The following PIK3CB variants were observed in gnomAD, a reference collection of about 807,000 sequenced individuals.
PIK3CB encodes phosphatidylinositol-4,5-bisphosphate 3-kinase catalytic subunit beta.
Under a neutral mutation model 136.8 loss-of-function variants are expected in PIK3CB, and 39 were observed. That is an observed-to-expected ratio of 0.29 (90% CI 0.22 to 0.37). The LOEUF (loss-of-function observed/expected upper bound fraction) is 0.37. Ranked by LOEUF, PIK3CB falls within the 10% of genes least tolerant of loss-of-function variation. The probability of loss-of-function intolerance (pLI) is 1.00; values close to 1 mark genes in which losing one functional copy is unlikely to be tolerated. For missense variants in PIK3CB, 868 were observed against 1,275.4 expected, an observed-to-expected ratio of 0.68 and a Z score of 4.87; for synonymous variants, 428 against 436.6, an observed-to-expected ratio of 0.98 and a Z score of 0.25.
At chr3:138,788,872 G>T (rs559583088) in intron 2 of PIK3CB, among the ~76,000 whole-genome samples, 1 of 148,986 alleles carries the variant, frequency 6.7e-6, no homozygotes, top group African/African-American at 2.5e-5. Context: ...GCTGAGGCAG[G>T]AGAATCGCTT....
intron 1 of PIK3CB, among the ~76,000 whole-genome samples, chr3:138,815,281 C>T (rs1186970070): frequency 7.4e-5 from 10 of 135,346 alleles, no homozygotes; most frequent in Non-Finnish European, 1.4e-4. Flanking sequence ...GCCTTGAGCT[C>T]AGGAGGCAGA....
In PIK3CB at chr3:138,695,673, AT is replaced by A. The variant is rs200599498; in HGVS notation, c.1771-767del. ...TTTTCAGTTGTTTTACATTTGAAAA[AT>A]ATTTTTGCGAAAACAATACTTTTGA... is the stretch of plus-strand genomic sequence containing the variant. On this transcript the variant is annotated intron_variant, in intron 13 of 23. Transcript: ENST00000674063. Among the ~76,000 whole-genome samples the A allele has an allele frequency of 5.0e-3, 756 of 152,200 alleles. 6 individuals carry two copies. The highest frequency in any genetic ancestry group is 0.017 in the African/African-American group (712 of 41,534).
chr3:138,722,259 T>TACACAC (rs1489389610), intron 8 of PIK3CB, among the ~76,000 whole-genome samples: 1 of 145,944 alleles, frequency 6.9e-6, no homozygotes, highest in Non-Finnish European at 1.5e-5. Context: ...CACACACACG[T>TACACAC]GTGTAGGCTC....
chr3:138,684,561 A>G, intron 17 of PIK3CB, 64 bp downstream of exon 17: 1 of 1,241,198 alleles, frequency 8.1e-7, no homozygotes, highest in Non-Finnish European at 1.1e-6. Flanking sequence ...TACTACTCCC[A>G]TAAGGCAGTG....
intron 19 of PIK3CB, among the ~76,000 whole-genome samples, chr3:138,668,695 A>G (rs2043464678): frequency 6.6e-6 from 1 of 152,152 alleles, no homozygotes; most frequent in Admixed American, 6.5e-5. Context: ...TTGTTTTACA[A>G]CTTGTATATA....
intron 2 of PIK3CB, among the ~76,000 whole-genome samples, chr3:138,788,997 A>AAAAAAAAAAAC (rs1559879235): frequency 2.0e-5 from 3 of 150,190 alleles, no homozygotes; most frequent in African/African-American, 7.4e-5. Context: ...AAAAAACAAA[A>AAAAAAAAAAAC]AACAACACCA....
In PIK3CB at chr3:138,704,499, T is replaced by TA. The variant is rs755185561; in HGVS notation, c.1531-7dup. On this transcript the variant is annotated splice_region_variant and splice_polypyrimidine_tract_variant and intron_variant, in intron 11 of 23. Transcript: ENST00000674063. ...TCAGCTGCCTTTTCAATAATCTGTT[T>TA]AAAAAAATTAAAGAAAATGAATTTT... is the stretch of plus-strand genomic sequence containing the variant. 3.8e-6 allele frequency: 6 copies of TA among 1,588,508 alleles called. No homozygotes were observed. Among genetic ancestry groups the TA allele is most frequent in the Non-Finnish European group, 5.2e-6 (6 of 1,157,200 alleles).
intron 23 of PIK3CB, 25 bp from the exon 24 acceptor site, chr3:138,655,551 A>AT: frequency 6.3e-7 from 1 of 1,583,898 alleles, no homozygotes; most frequent in Non-Finnish European, 8.7e-7. Context: ...GGAAAATATG[A>AT]TTTTATATAA....
intron 19 of PIK3CB, among the ~76,000 whole-genome samples, chr3:138,673,714 C>T (rs538851289): frequency 1.2e-4 from 19 of 152,254 alleles, no homozygotes; most frequent in African/African-American, 4.3e-4. Flanking sequence ...CACATACACA[C>T]ACACACACCC....
intron 5 of PIK3CB, among the ~76,000 whole-genome samples, chr3:138,739,183 C>T (rs1041142417): frequency 6.6e-6 from 1 of 152,134 alleles, no homozygotes; most frequent in Non-Finnish European, 1.5e-5. Context: ...CGCTGGCTTA[C>T]ATCTGTAATC....
intron 1 of PIK3CB, among the ~76,000 whole-genome samples, chr3:138,809,370 C>T (rs2046268693): frequency 6.6e-6 from 1 of 151,816 alleles, no homozygotes; most frequent in South Asian, 2.1e-4. Context: ...CTTTGGGAGG[C>T]CGAGGCGGGC....
chr3:138,706,522 T>C (rs1420639333), intron 11 of PIK3CB, among the ~76,000 whole-genome samples: 2 of 152,238 alleles, frequency 1.3e-5, no homozygotes, highest in Non-Finnish European at 2.9e-5. Flanking sequence ...CCTTTAATAT[T>C]TGAAACAACA....
intron 14 of PIK3CB, among the ~76,000 whole-genome samples, chr3:138,693,969 T>TATA (rs2044077509): frequency 2.2e-5 from 1 of 46,486 alleles, no homozygotes; most frequent in Non-Finnish European, 3.9e-5. Flanking sequence ...ATATATATTA[T>TATA]ATATATATAT....
intron 2 of PIK3CB, among the ~76,000 whole-genome samples, chr3:138,794,624 G>A (rs545038921): frequency 4.3e-4 from 66 of 152,202 alleles, no homozygotes; most frequent in African/African-American, 1.5e-3. Context: ...CATATTTACC[G>A]AGCATTTACT....
At chr3:138,792,038 T>C (rs557642838) in intron 2 of PIK3CB, among the ~76,000 whole-genome samples, 1 of 152,180 alleles carries the variant, frequency 6.6e-6, no homozygotes, top group African/African-American at 2.4e-5. Context: ...ATCGAAAATA[T>C]TGGATGCGGG....
chr3:138,721,224 A>G (rs1161239285), intron 8 of PIK3CB, among the ~76,000 whole-genome samples: 6 of 151,896 alleles, frequency 4.0e-5, no homozygotes, highest in African/African-American at 1.5e-4. Context: ...GTGCAATGGC[A>G]TGATCTCGGC....
chr3:138,678,547 A>T, intron 19 of PIK3CB, among the ~76,000 whole-genome samples: 1 of 152,308 alleles, frequency 6.6e-6, no homozygotes, highest in East Asian at 1.9e-4. Flanking sequence ...AATCACAATA[A>T]ACAATTAAAA....
chr3:138,814,257 C>G (rs1933200538), intron 1 of PIK3CB, among the ~76,000 whole-genome samples: 1 of 152,066 alleles, frequency 6.6e-6, no homozygotes, highest in Non-Finnish European at 1.5e-5. Flanking sequence ...GCGGGAGGAT[C>G]ACTTGAAATC....
At chr3:138,755,278 C>T (rs1347517366) in intron 4 of PIK3CB, among the ~76,000 whole-genome samples, 1 of 152,158 alleles carries the variant, frequency 6.6e-6, no homozygotes, top group Non-Finnish European at 1.5e-5. Flanking sequence ...TCAAGGACTT[C>T]TCAAACAATC....
Sources: allele counts gnomAD v4.1 joint callset (sites outside exome capture counted in the v4.1 genomes callset), GRCh38; gene constraint gnomAD v4.1.1; transcripts MANE v1.5; gene names NCBI Gene and HGNC (gene_info 2026-07-23, HGNC 2026-07-21).